The following PTPRN2 variants were observed in gnomAD, a reference collection of about 807,000 sequenced individuals.
The protein encoded by PTPRN2 is protein tyrosine phosphatase receptor type N2.
PTPRN2 carries 74 observed loss-of-function variants against 118.8 expected under a neutral mutation model. That is an observed-to-expected ratio of 0.62 (90% CI 0.52 to 0.76). The LOEUF is 0.76. PTPRN2 is among the 30% of genes least tolerant of loss of function. The probability of loss-of-function intolerance (pLI) is 0.00; values close to 1 mark genes in which losing one functional copy is unlikely to be tolerated. For missense variants in PTPRN2, 1,481 were observed against 1,394.4 expected, an observed-to-expected ratio of 1.06 and a Z score of -0.99; for synonymous variants, 641 against 608.0, an observed-to-expected ratio of 1.05 and a Z score of -0.80.
intron 12 of PTPRN2, among the ~76,000 whole-genome samples, chr7:157,684,373 A>AGGAAAGGGGGAGGGAGAG: frequency 7.4e-6 from 1 of 134,690 alleles, no homozygotes; most frequent in Non-Finnish European, 1.6e-5. Flanking sequence ...GAGGGAGGGA[A>AGGAAAGGGGGAGGGAGAG]GGAAAGGGGG....
chr7:158,206,787 T>G lies in PTPRN2; in HGVS notation c.278-1514A>C, dbSNP rs556660456. 1.2e-4 allele frequency among the ~76,000 whole-genome samples: 18 copies of G among 151,734 alleles called. No individual in the cohort carries two copies. The South Asian group carries it at 3.3e-3, about 28-fold the overall frequency. On this transcript the variant is annotated intron_variant, in intron 3 of 22. Coordinates refer to ENST00000389418, the MANE Select transcript of PTPRN2 (RefSeq NM_002847.5). Reference sequence around the variant, plus strand: ...ACGTAGATCACAGAACCAAAGTCTTTTCTTTTTTTTTTTTAATTTATTTAT... The same window carrying G: ...ACGTAGATCACAGAACCAAAGTCTTGTCTTTTTTTTTTTTAATTTATTTAT...
At position 157,616,006 on chromosome 7, in the gene PTPRN2, T is replaced by C. The variant is rs117567435; in HGVS notation, c.2344+5356A>G. On this transcript the variant is annotated intron_variant, in intron 15 of 22. Coordinates refer to ENST00000389418, the MANE Select transcript of PTPRN2 (RefSeq NM_002847.5). ...GAAGCACACCGTGGCCTGGGGCCCC[T>C]CTGGAGGGTAGGTCTTCCAAGTCAC... 6.6e-4 allele frequency: 139 copies of C among 209,346 alleles called. 1 individual carries two copies. Among genetic ancestry groups the C allele is most frequent in the Non-Finnish European group, 1.2e-3 (126 of 102,976 alleles). 13.0% of individuals were successfully genotyped at this position (209,346 alleles called of 1,614,324 possible).
intron 2 of PTPRN2, among the ~76,000 whole-genome samples, chr7:158,440,849 G>GAT (rs2129433236): frequency 7.9e-6 from 1 of 125,962 alleles, no homozygotes; most frequent in East Asian, 2.8e-4. Context: ...GCAGTGACGG[G>GAT]GGTGGTGGTG....
chr7:158,387,869 A>G (rs1811618606), intron 2 of PTPRN2, among the ~76,000 whole-genome samples: 2 of 152,288 alleles, frequency 1.3e-5, no homozygotes, highest in Admixed American at 6.5e-5. Flanking sequence ...CCAGCCCACC[A>G]GCTGCCCTGC....
At chr7:157,907,898 G>A (rs1026947435) in intron 11 of PTPRN2, among the ~76,000 whole-genome samples, 1 of 152,096 alleles carries the variant, frequency 6.6e-6, no homozygotes, top group Non-Finnish European at 1.5e-5. Context: ...TATCCCACCT[G>A]TCTTCTTGCC....
chr7:157,613,968 C>T (rs1300771990), intron 15 of PTPRN2: 1 of 468,408 alleles, frequency 2.1e-6, no homozygotes, highest in African/African-American at 2.0e-5. Flanking sequence ...ACAACTGTGA[C>T]TCTGTGAGCT....
chr7:158,165,432 C>T (rs1237455225), intron 6 of PTPRN2, among the ~76,000 whole-genome samples: 39 of 152,150 alleles, frequency 2.6e-4, no homozygotes, highest in Non-Finnish European at 1.8e-4. Context: ...CGTCCTTCTC[C>T]TCCAAGAGAG....
chr7:158,372,093 T>A (rs907075813), intron 2 of PTPRN2, among the ~76,000 whole-genome samples: 3 of 152,174 alleles, frequency 2.0e-5, no homozygotes, highest in Non-Finnish European at 4.4e-5. Context: ...GGCTGAGCAC[T>A]GCAGGCACAG....
chr7:157,638,965 G>A (rs142360280), intron 14 of PTPRN2, among the ~76,000 whole-genome samples: 7 of 152,206 alleles, frequency 4.6e-5, no homozygotes, highest in East Asian at 3.8e-4. Context: ...GTGGAAACCC[G>A]GCGGAATGTG....
Position 158,361,217 on chromosome 7 carries a change from C to T in PTPRN2, c.164-44285G>A. Among the ~76,000 whole-genome samples, 2 of 9,628 alleles carry T rather than the reference C, an allele frequency of 2.1e-4. 1 individual carries two copies. The highest frequency in any genetic ancestry group is 4.4e-4 in the Non-Finnish European group (2 of 4,524). The allele number at this position is 9,628 out of a possible 152,430, so 6.3% of individuals were successfully genotyped here. A position where few individuals can be genotyped will look rare whatever the true frequency, so the allele number is the denominator to read the frequency against. Reference sequence around the variant, plus strand: ...CCACACCCTGGCAACCCACAGACCCCGCGTCCACCCTCACCTGGGGTGACC... The same window carrying T: ...CCACACCCTGGCAACCCACAGACCCTGCGTCCACCCTCACCTGGGGTGACC... On this transcript the variant is annotated intron_variant, in intron 2 of 22. Coordinates refer to ENST00000389418, the MANE Select transcript of PTPRN2 (RefSeq NM_002847.5).
chr7:157,889,631 T>G (rs536435567), intron 12 of PTPRN2, among the ~76,000 whole-genome samples: 1 of 152,350 alleles, frequency 6.6e-6, no homozygotes, highest in South Asian at 2.1e-4. Flanking sequence ...TAGCTGACCA[T>G]GCATGCCCGT....
At chr7:158,149,982 G>C (rs1820792164) in intron 6 of PTPRN2, among the ~76,000 whole-genome samples, 1 of 152,186 alleles carries the variant, frequency 6.6e-6, no homozygotes, top group Non-Finnish European at 1.5e-5. Context: ...ACAATTCTTT[G>C]CTGTTTGTTA....
intron 6 of PTPRN2, among the ~76,000 whole-genome samples, chr7:158,150,071 T>C (rs1820807837): frequency 6.6e-6 from 1 of 152,196 alleles, no homozygotes; most frequent in African/African-American, 2.4e-5. Flanking sequence ...CAGAGTCATC[T>C]GAGGGAAGAG....
Position 158,432,598 on chromosome 7 carries a change from T to C in PTPRN2, c.163+57137A>G, listed in dbSNP as rs73729608. Among the ~76,000 whole-genome samples the C allele has an allele frequency of 6.7e-3, 1,015 of 152,312 alleles. 21 individuals carry two copies. Among genetic ancestry groups the C allele is most frequent in the African/African-American group, 0.023 (954 of 41,566 alleles). On this transcript the variant is annotated intron_variant, in intron 2 of 22. Transcript: ENST00000389418. ...TCAAGCTCCTGGAATATGTTTAAAG[T>C]ATTATGCAAACAAACAACAGCTATT...
At chr7:158,007,403 C>G (rs1364246503) in intron 11 of PTPRN2, among the ~76,000 whole-genome samples, 3 of 152,120 alleles carry the variant, frequency 2.0e-5, no homozygotes, top group African/African-American at 7.2e-5. Flanking sequence ...CTCACCTGAG[C>G]CCACCCAACA....
chr7:157,691,076 C>CT lies in PTPRN2; in HGVS notation c.1789-8140_1789-8139insA, dbSNP rs980088008. Among the ~76,000 whole-genome samples the CT allele has an allele frequency of 2.0e-4, 24 of 120,434 alleles. 2 individuals carry two copies. Among genetic ancestry groups the CT allele is most frequent in the Non-Finnish European group, 3.9e-4 (20 of 51,250 alleles). 79.0% of individuals were successfully genotyped at this position (120,434 alleles called of 152,430 possible). A position where few individuals can be genotyped will look rare whatever the true frequency, so the allele number is the denominator to read the frequency against. ...GGTTGCTATAGCGATGTCCCCCCCC[C>CT]CCCCCACATGTTGCTGACAGCAATT... On this transcript the variant is annotated intron_variant, in intron 12 of 22. Transcript: ENST00000389418.
intron 11 of PTPRN2, among the ~76,000 whole-genome samples, chr7:158,023,592 G>A (rs1362395804): frequency 6.6e-6 from 1 of 152,188 alleles, no homozygotes; most frequent in Admixed American, 6.5e-5. Context: ...TTCTTGCGGT[G>A]TCCCCCACTG....
chr7:158,152,365 C>T lies in PTPRN2; in HGVS notation c.911-13850G>A, dbSNP rs373635919. Among the ~76,000 whole-genome samples, 256 of 152,162 alleles carry T rather than the reference C, an allele frequency of 1.7e-3. No homozygotes were observed. The Middle Eastern group carries it at 0.017, about 10-fold the overall frequency. On this transcript the variant is annotated intron_variant, in intron 6 of 22. Transcript: ENST00000389418. Reference sequence around the variant, plus strand: ...GGAGGTGAGCATGGGCCTAGTGGGGCCTGGGAAGCTGTCTTCAGGCAGGAG... The same window carrying T: ...GGAGGTGAGCATGGGCCTAGTGGGGTCTGGGAAGCTGTCTTCAGGCAGGAG...
intron 12 of PTPRN2, among the ~76,000 whole-genome samples, chr7:157,751,838 A>G (rs796856859): frequency 8.6e-5 from 12 of 138,836 alleles, no homozygotes; most frequent in African/African-American, 2.9e-4. Context: ...CCTTCTAAAG[A>G]GAGAGGAGGG....
Sources: gnomAD v4.1 joint callset for allele counts (sites outside exome capture counted in the v4.1 genomes callset) on GRCh38, gnomAD v4.1.1 for gene constraint, MANE v1.5 for transcripts, NCBI Gene and HGNC (gene_info 2026-07-23, HGNC 2026-07-21) for gene names.